IL17RD: variants seen among roughly 807,000 people sequenced by gnomAD.
IL17RD encodes interleukin 17 receptor D, also known as interleukin-17 receptor D.
IL17RD carries 52 observed loss-of-function variants against 80.5 expected under a neutral mutation model. The observed-to-expected ratio is 0.65, with a 90% confidence interval of 0.52 to 0.81. The LOEUF (loss-of-function observed/expected upper bound fraction) is 0.81, where lower values mean the gene tolerates loss of function less well. Among genes scored for constraint, IL17RD ranks in the 40% least tolerant of loss-of-function variants. The pLI is 0.00. For missense variants in IL17RD, 1,024 were observed against 955.1 expected (o/e 1.07, Z -0.95); for synonymous variants, 416 against 391.8 (o/e 1.06, Z -0.73).
chr3:57,131,332 G>A (rs1486443142), intron 1 of IL17RD, among the ~76,000 whole-genome samples: 4 of 152,128 alleles, frequency 2.6e-5, no homozygotes, highest in Admixed American at 6.6e-5. Context: ...ACTCACACTC[G>A]CTGAGTGCCC....
Position 57,105,917 on chromosome 3 carries a change from G to C in IL17RD, c.687C>G (p.Phe229Leu), listed in dbSNP as rs774678946. 2 of 1,613,944 alleles carry C rather than the reference G, an allele frequency of 1.2e-6. No individual in the cohort carries two copies. The highest frequency in any genetic ancestry group is 1.7e-6 in the Non-Finnish European group (2 of 1,179,860). Residue 229 changes from phenylalanine to leucine, a missense_variant, in exon 7 of 13, where the codon TTC becomes TTG. Physicochemically the swap from Phe to Leu is conservative, Grantham distance 22. Coordinates refer to ENST00000296318, the MANE Select transcript of IL17RD (RefSeq NM_017563.5). ...DHAPHNFGFRFFYLHYKLKHE... is the reference protein window; with the variant it reads ...DHAPHNFGFRLFYLHYKLKHE... ...GCTTGAGCTTGTAGTGAAGATAGAA[G>C]AAACGGAAGCCGAAGTTGTGCGGTG...
rs932621761 is a variant in IL17RD at position 57,104,248 on chromosome 3, A to G, written c.813+94T>C. The G allele has an allele frequency of 1.6e-5, 14 of 851,384 alleles. No individual in the cohort carries two copies. In the East Asian group the frequency reaches 3.7e-4, roughly 22 times the overall value. 52.7% of individuals were successfully genotyped at this position (851,384 alleles called of 1,614,324 possible). ...AAAAATATAACTGTGCACACCTTCA[A>G]TAGCTTGAAATTTTAGTGTTGTAAA... On this transcript the variant is annotated intron_variant, in intron 8 of 12. Coordinates refer to ENST00000296318, the MANE Select transcript of IL17RD (RefSeq NM_017563.5).
chr3:57,149,129 T>A (rs1707998674), intron 1 of IL17RD, among the ~76,000 whole-genome samples: 1 of 151,986 alleles, frequency 6.6e-6, no homozygotes, highest in Non-Finnish European at 1.5e-5. Context: ...CTGGCCAACA[T>A]GGTGAAAAAT....
At chr3:57,106,431 TTTCAA>T (rs1186162513) in intron 5 of IL17RD, among the ~76,000 whole-genome samples, 1 of 152,204 alleles carries the variant, frequency 6.6e-6, no homozygotes, top group Non-Finnish European at 1.5e-5. Flanking sequence ...CATTACATAA[TTTCAA>T]GGCTGGTAGC....
At chr3:57,128,623 T>C (rs1028905293) in intron 1 of IL17RD, among the ~76,000 whole-genome samples, 2 of 150,708 alleles carry the variant, frequency 1.3e-5, no homozygotes, top group Admixed American at 6.7e-5. Context: ...GTTAGGACAT[T>C]GGTGTGAGTT....
rs779041353 is a variant in IL17RD, at chr3:57,154,279, T to TACACACACACACACAC, written c.126+10881_126+10882insGTGTGTGTGTGTGTGT. ...AAAAAATTATATATATATATATATATATATACACACACACACACACACATA... is the reference window on the plus strand; with the variant it reads ...AAAAAATTATATATATATATATATATACACACACACACACACATATACACACACACACACACACATA... On this transcript the variant is annotated intron_variant, in intron 1 of 12. Transcript: ENST00000296318. 1.3e-4 allele frequency among the ~76,000 whole-genome samples: 16 copies of TACACACACACACACAC among 126,340 alleles called. 1 individual carries two copies. Among genetic ancestry groups the TACACACACACACACAC allele is most frequent in the Admixed American group, 9.5e-4 (11 of 11,568 alleles). The allele number at this position is 126,340 out of a possible 152,430, so 82.9% of individuals were successfully genotyped here.
intron 10 of IL17RD, 57 bp from the exon 11 acceptor site, chr3:57,101,420 C>G: frequency 4.1e-6 from 5 of 1,211,842 alleles, no homozygotes; most frequent in Non-Finnish European, 5.8e-6. Context: ...GTTCTATTTC[C>G]TAAGAATTGA....
chr3:57,134,541 T>C (rs940459455), intron 1 of IL17RD: 2 of 1,388,482 alleles, frequency 1.4e-6, no homozygotes, highest in African/African-American at 1.4e-5. Flanking sequence ...CAAAAACAAG[T>C]GGATTCTCAT....
At chr3:57,119,921 A>C (rs1292603639) in intron 2 of IL17RD, among the ~76,000 whole-genome samples, 4 of 152,182 alleles carry the variant, frequency 2.6e-5, no homozygotes, top group African/African-American at 9.6e-5. Context: ...ACCATTCCCT[A>C]GCACCCTGCA....
chr3:57,095,508 C>T lies in IL17RD; in HGVS notation c.*885G>A, dbSNP rs898802660. ...ACACAGCTTTAGACCAGAAGGCCAA[C>T]CAAAGCACGAACTGCAACTTCCAAT... On this transcript the variant is annotated 3_prime_UTR_variant, in exon 13 of 13. Coordinates refer to ENST00000296318, the MANE Select transcript of IL17RD (RefSeq NM_017563.5). 6.6e-6 allele frequency: 1 copy of T among 152,230 alleles called. No individual in the cohort carries two copies. Among genetic ancestry groups the T allele is most frequent in the African/African-American group, 2.4e-5 (1 of 41,438 alleles). The allele number at this position is 152,230 out of a possible 1,614,324, so 9.4% of individuals were successfully genotyped here. A position where few individuals can be genotyped will look rare whatever the true frequency, so the allele number is the denominator to read the frequency against.
chr3:57,148,408 A>T (rs892048805), intron 1 of IL17RD, among the ~76,000 whole-genome samples: 1 of 152,148 alleles, frequency 6.6e-6, no homozygotes, highest in Non-Finnish European at 1.5e-5. Context: ...CTTTCAAGTC[A>T]GTCCTATTTT....
At chr3:57,105,136 CT>C (rs1365326970) in intron 7 of IL17RD, among the ~76,000 whole-genome samples, 1 of 152,166 alleles carries the variant, frequency 6.6e-6, no homozygotes, top group Non-Finnish European at 1.5e-5. Flanking sequence ...GCTTTCTCAT[CT>C]GTAAAATGGG....
chr3:57,135,859 G>A (rs1579300768), intron 1 of IL17RD, among the ~76,000 whole-genome samples: 1 of 150,556 alleles, frequency 6.6e-6, no homozygotes, highest in African/African-American at 2.5e-5. Context: ...TCCAGAGCCG[G>A]CTGTGTACAT....
intron 3 of IL17RD, among the ~76,000 whole-genome samples, chr3:57,111,086 G>A (rs865917957): frequency 7.9e-5 from 12 of 152,230 alleles, no homozygotes; most frequent in Middle Eastern, 3.2e-3. Context: ...GTATCCCACG[G>A]AGACTGAAGT....
At chr3:57,135,086 C>G (rs1040021327) in intron 1 of IL17RD, among the ~76,000 whole-genome samples, 1 of 152,010 alleles carries the variant, frequency 6.6e-6, no homozygotes, top group African/African-American at 2.4e-5. Flanking sequence ...CCAGCCTGGG[C>G]AACAGAGCAA....
chr3:57,117,747 G>T (rs1450248188), intron 2 of IL17RD, among the ~76,000 whole-genome samples: 2 of 152,164 alleles, frequency 1.3e-5, no homozygotes, highest in Admixed American at 6.5e-5. Flanking sequence ...GGAAAATATG[G>T]AATAAGTTTT....
Position 57,094,571 on chromosome 3 carries a change from G to A in IL17RD, c.*1822C>T, listed in dbSNP as rs1040844440. 3.9e-5 allele frequency: 6 copies of A among 152,114 alleles called. No individual in the cohort carries two copies. The highest frequency in any genetic ancestry group is 5.9e-5 in the Non-Finnish European group (4 of 68,028). 9.4% of individuals were successfully genotyped at this position (152,114 alleles called of 1,614,324 possible). A position where few individuals can be genotyped will look rare whatever the true frequency, so the allele number is the denominator to read the frequency against. On this transcript the variant is annotated 3_prime_UTR_variant, in exon 13 of 13. Coordinates refer to ENST00000296318, the MANE Select transcript of IL17RD (RefSeq NM_017563.5). ...GAACAAAGCTGAATACCCTAAAAGC[G>A]ACTCCTAATGGTTCCTCTGGGACAG...
intron 1 of IL17RD, among the ~76,000 whole-genome samples, chr3:57,146,040 C>T (rs544843836): frequency 4.1e-5 from 6 of 148,036 alleles, no homozygotes; most frequent in Admixed American, 1.4e-4. Context: ...CACGCGCGCG[C>T]GCGCGCACAC....
chr3:57,142,587 T>A, intron 1 of IL17RD: 1 of 956,236 alleles, frequency 1.0e-6, no homozygotes, highest in Non-Finnish European at 1.4e-6. Context: ...GACCGCTGTG[T>A]TGGTGTCGCC....
Sources: gnomAD v4.1 joint callset for allele counts (sites outside exome capture counted in the v4.1 genomes callset) on GRCh38, gnomAD v4.1.1 for gene constraint, MANE v1.5 for transcripts, NCBI Gene and HGNC (gene_info 2026-07-23, HGNC 2026-07-21) for gene names.